Variants in AGAP1 observed in about 807,000 individuals in gnomAD.
AGAP1 encodes the protein ArfGAP with GTPase domain, ankyrin repeat and PH domain 1, also known as arf-GAP with GTPase, ANK repeat and PH domain-containing protein 1.
A neutral mutation model predicts 105.3 loss-of-function variants in AGAP1; 29 were observed. The observed-to-expected ratio is 0.28, with a 90% CI of 0.21 to 0.38. The LOEUF (loss-of-function observed/expected upper bound fraction) is 0.38, where lower values mean the gene tolerates loss of function less well. AGAP1 is among the 10% of genes least tolerant of loss of function. The probability of loss-of-function intolerance (pLI) is 1.00; values close to 1 mark genes in which losing one functional copy is unlikely to be tolerated. For synonymous variants in AGAP1, 509 were observed against 485.9 expected (o/e 1.05, Z -0.63); for missense variants, 998 against 1,165.1 (o/e 0.86, Z 2.09).
rs866304631 is a variant in AGAP1 at position 235,927,148 on chromosome 2, A to G, written c.1325-3617A>G. Among the ~76,000 whole-genome samples, 1 of 152,144 alleles carries G rather than the reference A, an allele frequency of 6.6e-6. No individual in the cohort carries two copies. The highest frequency in any genetic ancestry group is 1.5e-5 in the Non-Finnish European group (1 of 68,014). Reference sequence around the variant, plus strand: ...TGTTTCAGTGTAGTCCCGCAGTGGGAAGTGGGTGTGGCTGGGGCTGGGGGG... The same window carrying G: ...TGTTTCAGTGTAGTCCCGCAGTGGGGAGTGGGTGTGGCTGGGGCTGGGGGG... On this transcript the variant is annotated intron_variant, in intron 11 of 17. Coordinates refer to ENST00000304032, the MANE Select transcript of AGAP1 (RefSeq NM_001037131.3). This position sits in a 1 kb window ranked among gnomAD's most constrained non-coding sequence, Gnocchi z 4.4.
intron 1 of AGAP1, among the ~76,000 whole-genome samples, chr2:235,523,760 C>T (rs1431593142): frequency 1.3e-5 from 2 of 152,100 alleles, no homozygotes; most frequent in South Asian, 2.1e-4. Flanking sequence ...GACTGACCAC[C>T]GTGTGACCTG....
chr2:235,816,866 T>G (rs1958487370), intron 9 of AGAP1, among the ~76,000 whole-genome samples: 1 of 150,874 alleles, frequency 6.6e-6, no homozygotes, highest in African/African-American at 2.4e-5. Flanking sequence ...ACTCCTTTTT[T>G]GATCTCTGTC....
rs1433743262 is a variant in AGAP1 at position 235,897,745 on chromosome 2, GT to G, written c.1156-10992del. On this transcript the variant is annotated intron_variant, in intron 10 of 17. Transcript: ENST00000304032. ...GAGGACTCAGTAGGAGAGGATGACT[GT>G]GGGGGGTCATGAGGAATGTTCTTTT... is the stretch of plus-strand genomic sequence containing the variant. Among the ~76,000 whole-genome samples the G allele has an allele frequency of 3.0e-4, 45 of 152,318 alleles. 1 individual carries two copies. The East Asian group carries it at 7.9e-3, about 27-fold the overall frequency.
In AGAP1 at chr2:235,994,102, C is replaced by G. The variant is rs146226360; in HGVS notation, c.1645+25479C>G. On this transcript the variant is annotated intron_variant, in intron 13 of 17. Coordinates refer to ENST00000304032, the MANE Select transcript of AGAP1 (RefSeq NM_001037131.3). This position sits in a 1 kb window ranked among gnomAD's most constrained non-coding sequence, Gnocchi z 4.4. ...GTGTGTCCCCCAGCTTCTAATTCCT[C>G]TAGAATATCATGCCCAGGTTAGGCA... Among the ~76,000 whole-genome samples the G allele has an allele frequency of 6.6e-6, 1 of 152,296 alleles. No homozygotes were observed. Among genetic ancestry groups the G allele is most frequent in the African/African-American group, 2.4e-5 (1 of 41,566 alleles).
In AGAP1 at chr2:235,963,953, A is replaced by T. The variant is rs2054288340; in HGVS notation, c.1484-4509A>T. Among the ~76,000 whole-genome samples, 1 of 152,176 alleles carries T rather than the reference A, an allele frequency of 6.6e-6. No individual in the cohort carries two copies. Among genetic ancestry groups the T allele is most frequent in the South Asian group, 2.1e-4 (1 of 4,828 alleles). On this transcript the variant is annotated intron_variant, in intron 12 of 17. Coordinates refer to ENST00000304032, the MANE Select transcript of AGAP1 (RefSeq NM_001037131.3). The surrounding 1 kb of genome is among the most constrained non-coding windows in gnomAD (Gnocchi z 5.1). ...TCGAAATAGCGGTGTACACTCATAA[A>T]AACAACCGCTGGATAACGGAAGAGA...
intron 6 of AGAP1, among the ~76,000 whole-genome samples, chr2:235,780,597 T>C (rs765366875): frequency 5.9e-5 from 9 of 152,240 alleles, no homozygotes; most frequent in Non-Finnish European, 1.2e-4. Flanking sequence ...ATATTTAAGC[T>C]GTGCAACGGT....
At chr2:235,790,053 G>A (rs953493626) in intron 6 of AGAP1, among the ~76,000 whole-genome samples, 10 of 152,174 alleles carry the variant, frequency 6.6e-5, no homozygotes, top group South Asian at 2.1e-4. Context: ...TGAAGGATGG[G>A]TGGGAATCGG....
chr2:235,966,919 G>T (rs1011008429), intron 12 of AGAP1, among the ~76,000 whole-genome samples: 7 of 152,140 alleles, frequency 4.6e-5, no homozygotes, highest in Non-Finnish European at 8.8e-5. Context: ...TTGTGTGTTT[G>T]TACATTTCTC....
At position 235,623,186 on chromosome 2, in the gene AGAP1, A is replaced by C. The variant is rs1043912361; in HGVS notation, c.164-85993A>C. Among the ~76,000 whole-genome samples, 1 of 152,190 alleles carries C rather than the reference A, an allele frequency of 6.6e-6. No homozygotes were observed. Among genetic ancestry groups the C allele is most frequent in the African/African-American group, 2.4e-5 (1 of 41,444 alleles). On this transcript the variant is annotated intron_variant, in intron 1 of 17. Coordinates refer to ENST00000304032, the MANE Select transcript of AGAP1 (RefSeq NM_001037131.3). The surrounding 1 kb of genome is among the most constrained non-coding windows in gnomAD (Gnocchi z 4.5). ...TTTCCTTTCATTTCGAACTTTCAAT[A>C]CAGCTGCAGAAACAATGCATCTGAA...
In AGAP1 at chr2:235,566,070, C is replaced by T. The variant is rs924990931; in HGVS notation, c.163+71221C>T. ...ATTTCCCTCTGCTTGTGTCATCTTT[C>T]ATTTGTCCATTCCTCGATTTATTAT... On this transcript the variant is annotated intron_variant, in intron 1 of 17. Coordinates refer to ENST00000304032, the MANE Select transcript of AGAP1 (RefSeq NM_001037131.3). This position sits in a 1 kb window ranked among gnomAD's most constrained non-coding sequence, Gnocchi z 5.2. Among the ~76,000 whole-genome samples, 2 of 152,052 alleles carry T rather than the reference C, an allele frequency of 1.3e-5. No individual in the cohort carries two copies. Among genetic ancestry groups the T allele is most frequent in the Non-Finnish European group, 1.5e-5 (1 of 68,026 alleles).
intron 1 of AGAP1, among the ~76,000 whole-genome samples, chr2:235,547,946 C>A (rs35631552): frequency 0.24 from 37,217 of 152,152 alleles, 5,079 homozygotes; most frequent in East Asian, 0.44. Flanking sequence ...AAATTCCACG[C>A]CTGTTTGTGT....
At position 235,754,966 on chromosome 2, in the gene AGAP1, G is replaced by C. The variant is rs923896118; in HGVS notation, c.673+4478G>C. ...CTCGCTCCTGCTCACAGGCGAGTTT[G>C]TGTGGCTTGCGGGGCTGGGTGAGCT... On this transcript the variant is annotated intron_variant, in intron 6 of 17. Transcript: ENST00000304032. This position sits in a 1 kb window ranked among gnomAD's most constrained non-coding sequence, Gnocchi z 4.6. Among the ~76,000 whole-genome samples the C allele has an allele frequency of 1.3e-5, 2 of 152,256 alleles. No individual in the cohort carries two copies. Among genetic ancestry groups the C allele is most frequent in the African/African-American group, 4.8e-5 (2 of 41,466 alleles).
chr2:235,777,694 A>G lies in AGAP1; in HGVS notation c.674-20065A>G, dbSNP rs1490459687. On this transcript the variant is annotated intron_variant, in intron 6 of 17. Coordinates refer to ENST00000304032, the MANE Select transcript of AGAP1 (RefSeq NM_001037131.3). This position sits in a 1 kb window ranked among gnomAD's most constrained non-coding sequence, Gnocchi z 5.1. Reference sequence around the variant, plus strand: ...CAAGCCTCCTGCCCAGCACCTTCCTAGAGCACCGCCATTGGCATAAGGACT... The same window carrying G: ...CAAGCCTCCTGCCCAGCACCTTCCTGGAGCACCGCCATTGGCATAAGGACT... Among the ~76,000 whole-genome samples the G allele has an allele frequency of 6.6e-6, 1 of 152,286 alleles. No homozygotes were observed. The highest frequency in any genetic ancestry group is 2.4e-5 in the African/African-American group (1 of 41,556).
In AGAP1 at chr2:235,797,932, A is replaced by G. The variant is rs755295861; in HGVS notation, c.801+46A>G. 5.6e-6 allele frequency: 9 copies of G among 1,607,396 alleles called. No individual in the cohort carries two copies. The South Asian group carries it at 6.7e-5, about 12-fold the overall frequency. On this transcript the variant is annotated intron_variant, in intron 7 of 17. Coordinates refer to ENST00000304032, the MANE Select transcript of AGAP1 (RefSeq NM_001037131.3). Reference sequence around the variant, plus strand: ...AGTCAGACTCTTAGAACCAAAGACAATATGCAAATAGTGTTCCCAGCCAAT... The same window carrying G: ...AGTCAGACTCTTAGAACCAAAGACAGTATGCAAATAGTGTTCCCAGCCAAT...
rs535395155 is a variant in AGAP1 at position 235,540,148 on chromosome 2, C to CTT, written c.163+45318_163+45319dup. ...TTTTTTCTCTCCCTCCCTCTCTCCTCTTTTTTTTTTTTTTTTTTTTGAGAC... is the reference window on the plus strand; with the variant it reads ...TTTTTTCTCTCCCTCCCTCTCTCCTCTTTTTTTTTTTTTTTTTTTTTTGAGAC... On this transcript the variant is annotated intron_variant, in intron 1 of 17. Transcript: ENST00000304032. Among the ~76,000 whole-genome samples the CTT allele has an allele frequency of 4.5e-3, 578 of 129,072 alleles. 11 individuals are homozygous for CTT. Among genetic ancestry groups the CTT allele is most frequent in the African/African-American group, 0.013 (451 of 33,678 alleles). 84.7% of individuals were successfully genotyped at this position (129,072 alleles called of 152,430 possible).
chr2:235,912,366 C>T (rs183671026), intron 11 of AGAP1, among the ~76,000 whole-genome samples: 55 of 152,226 alleles, frequency 3.6e-4, no homozygotes, highest in Non-Finnish European at 7.4e-5. Context: ...ATTTAAGAGA[C>T]GGGACTTCCA....
Position 235,866,952 on chromosome 2 carries a change from C to T in AGAP1, c.1051-16393C>T, listed in dbSNP as rs934777732. ...ATAGAGTCACATCGTGAGTGCTGGG[C>T]GTTAGGATCTCAATATCTGAATTAG... On this transcript the variant is annotated intron_variant, in intron 9 of 17. Coordinates refer to ENST00000304032, the MANE Select transcript of AGAP1 (RefSeq NM_001037131.3). The surrounding 1 kb of genome is among the most constrained non-coding windows in gnomAD (Gnocchi z 6.1). Among the ~76,000 whole-genome samples, 3 of 152,174 alleles carry T rather than the reference C, an allele frequency of 2.0e-5. No homozygotes were observed. The highest frequency in any genetic ancestry group is 4.8e-5 in the African/African-American group (2 of 41,436).
In AGAP1 at chr2:235,573,774, AGGTCAGGGGTGGCT is replaced by A. The variant is rs536019220; in HGVS notation, c.163+78933_163+78946del. Among the ~76,000 whole-genome samples, 54 of 152,316 alleles carry A rather than the reference AGGTCAGGGGTGGCT, an allele frequency of 3.5e-4. 1 individual carries two copies. Among genetic ancestry groups the A allele is most frequent in the African/African-American group, 1.3e-3 (52 of 41,570 alleles). On this transcript the variant is annotated intron_variant, in intron 1 of 17. Transcript: ENST00000304032. ...TGTGCCCCGGCTCATCTGGAGAGTC[AGGTCAGGGGTGGCT>A]GGTCAGGATAGCTGTTACCACATGG... is the stretch of plus-strand genomic sequence containing the variant.
chr2:235,707,463 CTCCCCATGA>C (rs1416570189), intron 1 of AGAP1, among the ~76,000 whole-genome samples: 135 of 109,984 alleles, frequency 1.2e-3, no homozygotes, highest in Non-Finnish European at 2.1e-3. Flanking sequence ...CACAGTTGCC[CTCCCCATGA>C]CCCCCCCCCC....
Sources: gnomAD v4.1 joint callset for allele counts (sites outside exome capture counted in the v4.1 genomes callset) on GRCh38, gnomAD v4.1.1 for gene constraint, Gnocchi (gnomAD v3.1) non-coding constraint, MANE v1.5 for transcripts, NCBI Gene and HGNC (gene_info 2026-07-23, HGNC 2026-07-21) for gene names.